The following EYA1 variants were observed in gnomAD, a reference collection of about 807,000 sequenced individuals.
EYA1 encodes protein phosphatase EYA1.
Under a neutral mutation model 82.0 loss-of-function variants are expected in EYA1, and 16 were observed. The ratio of observed to expected loss-of-function variants is 0.20; its 90% CI spans 0.13 to 0.30. EYA1 has a LOEUF of 0.30. Among genes scored for constraint, EYA1 ranks in the 10% least tolerant of loss-of-function variants. The probability of loss-of-function intolerance (pLI) is 1.00; values close to 1 mark genes in which losing one functional copy is unlikely to be tolerated. For missense variants in EYA1, 633 were observed against 730.7 expected, an observed-to-expected ratio of 0.87 and a Z score of 1.54; for synonymous variants, 261 against 264.4, an observed-to-expected ratio of 0.99 and a Z score of 0.12.
intron 12 of EYA1, among the ~76,000 whole-genome samples, chr8:71,219,979 T>C (rs200444787): frequency 1.3e-5 from 2 of 152,120 alleles, no homozygotes; most frequent in Non-Finnish European, 2.9e-5. Context: ...GACAATGAGA[T>C]AACTGAGGGA....
upstream of EYA1, among the ~76,000 whole-genome samples, chr8:71,362,818 A>G (rs1258193372): frequency 1.3e-5 from 2 of 152,198 alleles, no homozygotes; most frequent in East Asian, 1.9e-4. Flanking sequence ...CTCGGAATCT[A>G]TGCATGACAG....
chr8:71,463,609 CTCTCTCTCTCTCTCTCTCTCT>C lies in EYA1; in HGVS notation c.33+72114_33+72134del, dbSNP rs1808544910. Among the ~76,000 whole-genome samples, 6 of 137,760 alleles carry C rather than the reference CTCTCTCTCTCTCTCTCTCTCT, an allele frequency of 4.4e-5. 1 individual carries two copies. The highest frequency in any genetic ancestry group is 1.4e-4 in the African/African-American group (5 of 34,812). The allele number at this position is 137,760 out of a possible 152,430, so 90.4% of individuals were successfully genotyped here. ...TCTCTCTCTCTCTCTCTCTCTCTCT[CTCTCTCTCTCTCTCTCTCTCT>C]CTCCCTCCCTCCCCCCTCCCACACA... On this transcript the variant is annotated intron_variant, in intron 2 of 18. Coordinates refer to the EYA1 transcript ENST00000643681.
At chr8:71,396,787 G>A in intron 2 of EYA1, among the ~76,000 whole-genome samples, 1 of 152,210 alleles carries the variant, frequency 6.6e-6, no homozygotes, top group African/African-American at 2.4e-5. Flanking sequence ...GCAGAGTTCT[G>A]TAGATGTCTG....
At chr8:71,278,389 A>T (rs553516520) in intron 9 of EYA1, among the ~76,000 whole-genome samples, 1 of 152,352 alleles carries the variant, frequency 6.6e-6, no homozygotes, top group South Asian at 2.1e-4. Flanking sequence ...ATTGCCAAAT[A>T]GTTTTCAAAG....
intron 9 of EYA1, among the ~76,000 whole-genome samples, chr8:71,278,420 T>A (rs1293886864): frequency 3.3e-5 from 5 of 152,212 alleles, no homozygotes; most frequent in Non-Finnish European, 7.3e-5. Flanking sequence ...ATTTAAATTG[T>A]GTCTCTTTTA....
intron 2 of EYA1, among the ~76,000 whole-genome samples, chr8:71,426,002 GTAT>G (rs980931482): frequency 2.0e-5 from 3 of 152,134 alleles, no homozygotes; most frequent in African/African-American, 4.8e-5. Context: ...ATAGAACCTT[GTAT>G]TTATTTTTTC....
At chr8:71,368,744 T>A (rs1407278282) in intron 2 of EYA1, among the ~76,000 whole-genome samples, 1 of 152,000 alleles carries the variant, frequency 6.6e-6, no homozygotes. Flanking sequence ...TCACCACAAA[T>A]AAATGTATTC....
chr8:71,419,832 C>T (rs1257782708), intron 2 of EYA1, among the ~76,000 whole-genome samples: 1 of 151,952 alleles, frequency 6.6e-6, no homozygotes, highest in Non-Finnish European at 1.5e-5. Context: ...GAAAAATCCT[C>T]AAAGATGAAC....
Position 71,334,437 on chromosome 8 carries a change from C to T in EYA1, c.125-263G>A, listed in dbSNP as rs1824255500. 16 of 481,736 alleles carry T rather than the reference C, an allele frequency of 3.3e-5. 1 individual carries two copies. In the South Asian group the frequency reaches 3.3e-4, roughly 10 times the overall value. 29.8% of individuals were successfully genotyped at this position (481,736 alleles called of 1,614,324 possible). On this transcript the variant is annotated intron_variant, in intron 3 of 17. Transcript: ENST00000340726. ...AGTAATTAAATTCATCATTGTTTTA[C>T]ATATTTACTGAATTACTTATTGATA...
At chr8:71,504,530 C>T (rs1812047928) in intron 2 of EYA1, among the ~76,000 whole-genome samples, 1 of 152,112 alleles carries the variant, frequency 6.6e-6, no homozygotes, top group Non-Finnish European at 1.5e-5. Context: ...TCTTCTAAAA[C>T]TTGTTTAGAG....
chr8:71,391,213 C>T (rs1157587602), intron 2 of EYA1, among the ~76,000 whole-genome samples: 1 of 152,098 alleles, frequency 6.6e-6, no homozygotes, highest in Non-Finnish European at 1.5e-5. Context: ...GAACTCCTGA[C>T]CTCAAGTGAT....
chr8:71,410,809 G>C (rs1456130355), intron 2 of EYA1, among the ~76,000 whole-genome samples: 3 of 145,452 alleles, frequency 2.1e-5, no homozygotes, highest in Non-Finnish European at 4.5e-5. Flanking sequence ...ACTGCCCAAG[G>C]TAATTTACAG....
At chr8:71,387,634 A>G in intron 2 of EYA1, among the ~76,000 whole-genome samples, 1 of 152,180 alleles carries the variant, frequency 6.6e-6, no homozygotes, top group Non-Finnish European at 1.5e-5. Flanking sequence ...TTCTAACTTC[A>G]GGTCACAGTG....
At chr8:71,397,374 T>G (rs1829689728) in intron 2 of EYA1, among the ~76,000 whole-genome samples, 1 of 152,232 alleles carries the variant, frequency 6.6e-6, no homozygotes, top group Non-Finnish European at 1.5e-5. Flanking sequence ...ATGCAGTTTC[T>G]TCCTAGCATC....
chr8:71,490,352 G>A (rs1269442878), intron 2 of EYA1, among the ~76,000 whole-genome samples: 1 of 152,100 alleles, frequency 6.6e-6, no homozygotes, highest in East Asian at 1.9e-4. Context: ...GCTTAATTAA[G>A]TAACCATGGG....
chr8:71,496,614 G>A lies in EYA1; in HGVS notation c.33+39130C>T, dbSNP rs561158310. Among the ~76,000 whole-genome samples the A allele has an allele frequency of 2.6e-5, 4 of 152,124 alleles. No homozygotes were observed. The East Asian group carries it at 7.7e-4, about 29-fold the overall frequency. On this transcript the variant is annotated intron_variant, in intron 2 of 18. Coordinates refer to the EYA1 transcript ENST00000643681. ...CGAATATACCAGCATTTTTTTCAAT[G>A]TTTTGAGCCAATTTCTTTTATGTGA...
chr8:71,489,766 T>G (rs1810855362), intron 2 of EYA1, among the ~76,000 whole-genome samples: 5 of 152,262 alleles, frequency 3.3e-5, no homozygotes, highest in African/African-American at 1.2e-4. Context: ...TTGGGTTATT[T>G]TAATTATAAT....
At chr8:71,453,284 C>G (rs1042567713) in intron 2 of EYA1, among the ~76,000 whole-genome samples, 1 of 152,212 alleles carries the variant, frequency 6.6e-6, no homozygotes, top group Non-Finnish European at 1.5e-5. Context: ...AACACCAACT[C>G]TACGTCTAAT....
At chr8:71,454,858 A>G (rs1226316873) in intron 2 of EYA1, among the ~76,000 whole-genome samples, 1 of 152,240 alleles carries the variant, frequency 6.6e-6, no homozygotes, top group Non-Finnish European at 1.5e-5. Context: ...CAATTAAAAG[A>G]ACTAGAGAAG....
Sources: gnomAD v4.1 joint callset for allele counts (sites outside exome capture counted in the v4.1 genomes callset) on GRCh38, gnomAD v4.1.1 for gene constraint, MANE v1.5 for transcripts, NCBI Gene and HGNC (gene_info 2026-07-23, HGNC 2026-07-21) for gene names.